Variants in DPY19L4 observed in about 807,000 individuals in gnomAD.
DPY19L4 encodes dpy-19 like 4, also known as probable C-mannosyltransferase DPY19L4.
A neutral mutation model predicts 102.8 loss-of-function variants in DPY19L4; 97 were observed. The ratio of observed to expected loss-of-function variants is 0.94; its 90% CI spans 0.80 to 1.12. The LOEUF (loss-of-function observed/expected upper bound fraction) is 1.12. DPY19L4 is among the 50% of genes most tolerant of loss of function. The pLI is 0.00. For missense variants in DPY19L4, 815 were observed against 850.4 expected (o/e 0.96, Z 0.52); for synonymous variants, 252 against 283.1 (o/e 0.89, Z 1.10).
Position 94,790,101 on chromosome 8 carries a change from G to T in DPY19L4, c.*191G>T. On this transcript the variant is annotated 3_prime_UTR_variant, in exon 19 of 19. Transcript: ENST00000414645. ...AAGCATTACTGTCCTTTGATTAAAT[G>T]TGATATCTACCACTCTGCAATATTC... 1 of 507,766 alleles carries T rather than the reference G, an allele frequency of 2.0e-6. No homozygotes were observed. Among genetic ancestry groups the T allele is most frequent in the Non-Finnish European group, 3.4e-6 (1 of 295,578 alleles). The allele number at this position is 507,766 out of a possible 1,614,324, so 31.5% of individuals were successfully genotyped here.
At chr8:94,761,550 A>T in intron 7 of DPY19L4, 150 bp from the exon 8 acceptor site, 1 of 683,774 alleles carries the variant, frequency 1.5e-6, no homozygotes. Context: ...AGGATTTAAT[A>T]ATAATTATGT....
At chr8:94,742,283 A>C (rs1428019820) in intron 6 of DPY19L4, among the ~76,000 whole-genome samples, 1 of 152,048 alleles carries the variant, frequency 6.6e-6, no homozygotes, top group Non-Finnish European at 1.5e-5. Context: ...GCGTGAACCC[A>C]GGAGGCAGAG....
At chr8:94,766,940 C>T (rs1160401057) in intron 11 of DPY19L4, among the ~76,000 whole-genome samples, 4 of 151,768 alleles carry the variant, frequency 2.6e-5, no homozygotes, top group African/African-American at 7.3e-5. Flanking sequence ...TGTGGTGGTG[C>T]ATGCCTGTGG....
intron 11 of DPY19L4, 70 bp from the exon 12 acceptor site, chr8:94,768,325 T>TA (rs140835859): frequency 2.0e-5 from 26 of 1,295,904 alleles, no homozygotes; most frequent in Admixed American, 4.9e-5. Flanking sequence ...TTGCTGATAT[T>TA]AAAAAAAATA....
intron 6 of DPY19L4, 130 bp downstream of exon 6, chr8:94,739,920 T>G: frequency 8.8e-7 from 1 of 1,135,530 alleles, no homozygotes. Flanking sequence ...TGAGATGCCA[T>G]TCCCATGATT....
In DPY19L4 at chr8:94,738,347, T is replaced by C. The variant is rs1419016588; in HGVS notation, c.253-22T>C. The stretch of plus-strand genomic sequence containing the variant: ...AAAAAAAAAAAAATTAAATTTTAAA[T>C]AATAATTTCATTTTCTTTTAGGAGC... On this transcript the variant is annotated intron_variant, in intron 3 of 18. Transcript: ENST00000414645. The C allele has an allele frequency of 1.0e-5, 14 of 1,386,142 alleles. 1 individual carries two copies. The highest frequency in any genetic ancestry group is 1.7e-5 in the South Asian group (1 of 60,306). 85.9% of individuals were successfully genotyped at this position (1,386,142 alleles called of 1,614,324 possible).
chr8:94,723,149 T>A (rs1444879388), intron 1 of DPY19L4, among the ~76,000 whole-genome samples: 30 of 152,178 alleles, frequency 2.0e-4, no homozygotes, highest in Non-Finnish European at 5.9e-5. Context: ...TAGTTTGACT[T>A]TTTCTTTACA....
At chr8:94,772,064 T>C (rs1318599816) in intron 13 of DPY19L4, among the ~76,000 whole-genome samples, 1 of 151,350 alleles carries the variant, frequency 6.6e-6, no homozygotes, top group East Asian at 1.9e-4. Flanking sequence ...TATCTTGCAC[T>C]ATTTATTTTT....
intron 6 of DPY19L4, chr8:94,744,808 A>G (rs1811599616): frequency 3.2e-6 from 1 of 314,476 alleles, no homozygotes; most frequent in Admixed American, 4.0e-5. Flanking sequence ...TGTATGTTGT[A>G]TTGCTGGAGT....
At chr8:94,782,903 C>A (rs1813494107) in intron 16 of DPY19L4, among the ~76,000 whole-genome samples, 1 of 152,186 alleles carries the variant, frequency 6.6e-6, no homozygotes, top group Non-Finnish European at 1.5e-5. Flanking sequence ...TCAAAGACAG[C>A]AAAGGCCCAA....
At chr8:94,739,285 A>C in intron 4 of DPY19L4, 128 bp from the exon 5 acceptor site, 1 of 1,164,248 alleles carries the variant, frequency 8.6e-7, no homozygotes, top group South Asian at 2.1e-5. Flanking sequence ...AAAAAATGGA[A>C]AATGCAGCAT....
intron 6 of DPY19L4, among the ~76,000 whole-genome samples, chr8:94,740,524 G>A (rs1315972476): frequency 6.6e-6 from 1 of 151,892 alleles, no homozygotes; most frequent in Non-Finnish European, 1.5e-5. Context: ...GTGCGATCTC[G>A]GCTCACTGCA....
chr8:94,751,884 G>A (rs778726545), intron 6 of DPY19L4, among the ~76,000 whole-genome samples: 128 of 152,178 alleles, frequency 8.4e-4, no homozygotes, highest in African/African-American at 2.7e-3. Context: ...GTGGGGCTCC[G>A]GCTTTTTTTA....
intron 13 of DPY19L4, among the ~76,000 whole-genome samples, chr8:94,773,471 G>T (rs888623867): frequency 6.6e-6 from 1 of 150,998 alleles, no homozygotes; most frequent in Admixed American, 6.8e-5. Flanking sequence ...AGTCTTTGTC[G>T]CCCAGGCTGG....
intron 7 of DPY19L4, among the ~76,000 whole-genome samples, chr8:94,759,006 G>T (rs376209145): frequency 6.6e-6 from 1 of 152,014 alleles, no homozygotes; most frequent in African/African-American, 2.4e-5. Flanking sequence ...AAGTGTGTCC[G>T]GAGTTGGTTC....
At chr8:94,742,641 C>T (rs1811498301) in intron 6 of DPY19L4, among the ~76,000 whole-genome samples, 1 of 151,708 alleles carries the variant, frequency 6.6e-6, no homozygotes, top group African/African-American at 2.4e-5. Flanking sequence ...TCACTGCAAC[C>T]TCTGCCTCCC....
At chr8:94,788,238 A>C (rs1417174587) in intron 18 of DPY19L4, among the ~76,000 whole-genome samples, 186 bp downstream of exon 18, 1 of 151,942 alleles carries the variant, frequency 6.6e-6, no homozygotes, top group Non-Finnish European at 1.5e-5. Context: ...TACAAAAGAA[A>C]ATCTGGGCAT....
intron 6 of DPY19L4, chr8:94,745,025 T>G (rs1406090070): frequency 6.2e-6 from 1 of 160,922 alleles, no homozygotes; most frequent in Non-Finnish European, 1.4e-5. Context: ...TAGCTTTTAT[T>G]TATATATGAC....
At chr8:94,777,981 A>G (rs1216932098) in intron 14 of DPY19L4, among the ~76,000 whole-genome samples, 195 bp downstream of exon 14, 1 of 152,214 alleles carries the variant, frequency 6.6e-6, no homozygotes, top group African/African-American at 2.4e-5. Flanking sequence ...TTGTAATCCA[A>G]GCACTTTGGG....
Sources: allele counts gnomAD v4.1 joint callset (sites outside exome capture counted in the v4.1 genomes callset), GRCh38; gene constraint gnomAD v4.1.1; transcripts MANE v1.5; gene names NCBI Gene and HGNC (gene_info 2026-07-23, HGNC 2026-07-21).